Variants in RNF220 observed in about 807,000 individuals in gnomAD.
The protein encoded by RNF220 is E3 ubiquitin-protein ligase RNF220.
A neutral mutation model predicts 67.1 loss-of-function variants in RNF220; 7 were observed. The ratio of observed to expected loss-of-function variants is 0.10; its 90% CI spans 0.06 to 0.20. RNF220 has a LOEUF of 0.20. Ranked by LOEUF, RNF220 falls within the 10% of genes least tolerant of loss-of-function variation. The probability of loss-of-function intolerance (pLI) is 1.00; values close to 1 mark genes in which losing one functional copy is unlikely to be tolerated. For missense variants in RNF220, 565 were observed against 740.3 expected, an observed-to-expected ratio of 0.76 and a Z score of 2.75; for synonymous variants, 270 against 283.2, an observed-to-expected ratio of 0.95 and a Z score of 0.47.
chr1:44,648,729 A>G (rs1211439208), intron 12 of RNF220: 1 of 152,274 alleles, frequency 6.6e-6, no homozygotes, highest in Non-Finnish European at 1.5e-5. Flanking sequence ...TAGTCCCTGC[A>G]TCTGTCCCCC....
chr1:44,640,925 G>A (rs554674098), intron 8 of RNF220, among the ~76,000 whole-genome samples: 12 of 152,198 alleles, frequency 7.9e-5, no homozygotes, highest in Non-Finnish European at 1.8e-4. Context: ...GGGAGCAGCA[G>A]GTGAGGAAAT....
intron 8 of RNF220, 181 bp downstream of exon 8, chr1:44,636,343 A>C: frequency 1.3e-6 from 1 of 797,954 alleles, no homozygotes; most frequent in Non-Finnish European, 2.2e-6. Flanking sequence ...TGCATATTAA[A>C]ATGGATGTAT....
At position 44,650,663 on chromosome 1, in the gene RNF220, G is replaced by T. The variant is rs530646601; in HGVS notation, c.1630-41G>T. 8.1e-6 allele frequency: 13 copies of T among 1,604,320 alleles called. No individual in the cohort carries two copies. Among genetic ancestry groups the T allele is most frequent in the African/African-American group, 2.7e-5 (2 of 74,834 alleles). ...CCAGGTGCTCACATGCGCACACATG[G>T]CTCATTGTGTAGACCAGAGCCCTCC... On this transcript the variant is annotated intron_variant, in intron 14 of 14. Coordinates refer to ENST00000361799, the MANE Select transcript of RNF220 (RefSeq NM_018150.4). This position sits in a 1 kb window ranked among gnomAD's most constrained non-coding sequence, Gnocchi z 4.3.
chr1:44,483,003 T>C (rs1030313248), intron 2 of RNF220, among the ~76,000 whole-genome samples: 1 of 147,832 alleles, frequency 6.8e-6, no homozygotes, highest in African/African-American at 2.6e-5. Context: ...CGATCGTGGC[T>C]TACTGCAGCC....
chr1:44,596,160 C>T (rs573916511), intron 2 of RNF220, among the ~76,000 whole-genome samples: 1 of 152,298 alleles, frequency 6.6e-6, no homozygotes, highest in African/African-American at 2.4e-5. Flanking sequence ...GGAAGGGGAG[C>T]AGGTAGGATA....
rs546690564 is a variant in RNF220 at position 44,637,943 on chromosome 1, A to G, written c.1126+1781A>G. On this transcript the variant is annotated intron_variant, in intron 8 of 14. Transcript: ENST00000361799. ...GCCTCTTAAACAGCTTAGTGCAGTC[A>G]AAAGACAGGCAGACTTGAAAGGCTG... Among the ~76,000 whole-genome samples, 3 of 152,354 alleles carry G rather than the reference A, an allele frequency of 2.0e-5. No homozygotes were observed. The South Asian group carries it at 6.2e-4, about 32-fold the overall frequency.
At chr1:44,582,215 C>T (rs911889109) in intron 2 of RNF220, among the ~76,000 whole-genome samples, 2 of 152,176 alleles carry the variant, frequency 1.3e-5, no homozygotes, top group East Asian at 1.9e-4. Context: ...ATGAGGGGAA[C>T]GGGAAAGAGA....
chr1:44,510,091 T>C (rs538682943), intron 2 of RNF220, among the ~76,000 whole-genome samples: 3 of 151,042 alleles, frequency 2.0e-5, no homozygotes, highest in East Asian at 3.9e-4. Flanking sequence ...ATAAAACAAT[T>C]AGCCAGGCAT....
At chr1:44,509,826 G>T (rs779802846) in intron 2 of RNF220, among the ~76,000 whole-genome samples, 22 of 133,216 alleles carry the variant, frequency 1.7e-4, no homozygotes, top group Non-Finnish European at 2.6e-4. Flanking sequence ...GGCAGAGGCT[G>T]CAGTGAGCCA....
intron 2 of RNF220, among the ~76,000 whole-genome samples, chr1:44,599,465 G>C (rs1229258913): frequency 6.6e-6 from 1 of 152,144 alleles, no homozygotes; most frequent in East Asian, 1.9e-4. Flanking sequence ...TTGAGCTCAA[G>C]AGTTCAAGAC....
At chr1:44,611,263 T>C (rs923773790) in intron 2 of RNF220, among the ~76,000 whole-genome samples, 1 of 152,214 alleles carries the variant, frequency 6.6e-6, no homozygotes, top group African/African-American at 2.4e-5. Flanking sequence ...AGAGGGCCTG[T>C]TGTCCTGATA....
chr1:44,442,433 G>A (rs947555783), intron 2 of RNF220, among the ~76,000 whole-genome samples: 60 of 151,486 alleles, frequency 4.0e-4, no homozygotes, highest in African/African-American at 1.3e-3. Context: ...GTGAGCCACC[G>A]TGCCCAGCCT....
At chr1:44,462,417 C>A (rs1240971107) in intron 2 of RNF220, among the ~76,000 whole-genome samples, 1 of 151,858 alleles carries the variant, frequency 6.6e-6, no homozygotes, top group Non-Finnish European at 1.5e-5. Context: ...AACCAGGACA[C>A]CAATAATAAG....
At chr1:44,617,277 C>T (rs995482523) in intron 3 of RNF220, among the ~76,000 whole-genome samples, 3 of 152,164 alleles carry the variant, frequency 2.0e-5, no homozygotes, top group African/African-American at 7.2e-5. Context: ...CCGCGCCCGG[C>T]GCGCTGACAG....
intron 2 of RNF220, among the ~76,000 whole-genome samples, chr1:44,502,091 A>G (rs1657958613): frequency 8.3e-6 from 1 of 121,118 alleles, no homozygotes; most frequent in Non-Finnish European, 1.8e-5. Flanking sequence ...ACACACACAC[A>G]CACACACACT....
intron 2 of RNF220, among the ~76,000 whole-genome samples, chr1:44,549,442 A>T (rs1282495860): frequency 1.3e-5 from 2 of 152,192 alleles, no homozygotes; most frequent in African/African-American, 4.8e-5. Context: ...AAAAGGGTGA[A>T]TTCCAAGAGT....
At chr1:44,555,119 A>C (rs746943235) in intron 2 of RNF220, among the ~76,000 whole-genome samples, 4 of 152,158 alleles carry the variant, frequency 2.6e-5, no homozygotes, top group Non-Finnish European at 4.4e-5. Context: ...CCCAGGCTGG[A>C]GTGCAGTGGC....
intron 2 of RNF220, among the ~76,000 whole-genome samples, chr1:44,548,112 C>T (rs891040589): frequency 6.6e-6 from 1 of 152,166 alleles, no homozygotes; most frequent in South Asian, 2.1e-4. Context: ...CCCCATGTCT[C>T]GTTAGTCACG....
chr1:44,427,580 CAT>C (rs780768430), intron 2 of RNF220, among the ~76,000 whole-genome samples: 24 of 152,184 alleles, frequency 1.6e-4, no homozygotes, highest in Non-Finnish European at 3.4e-4. Flanking sequence ...GTTTGTCAAA[CAT>C]ACCCTTTGGT....
Sources: gnomAD v4.1 joint callset for allele counts (sites outside exome capture counted in the v4.1 genomes callset) on GRCh38, gnomAD v4.1.1 for gene constraint, Gnocchi (gnomAD v3.1) non-coding constraint, MANE v1.5 for transcripts, NCBI Gene and HGNC (gene_info 2026-07-23, HGNC 2026-07-21) for gene names.